DENND1B: variants seen among roughly 807,000 people sequenced by gnomAD.
DENND1B encodes DENN domain-containing protein 1B.
In DENND1B, 59 loss-of-function variants were observed where a neutral mutation model predicts 90.1. That is an observed-to-expected ratio of 0.65 (90% CI 0.53 to 0.81). The LOEUF is 0.81. Among genes scored for constraint, DENND1B ranks in the 40% least tolerant of loss-of-function variants. DENND1B has a pLI of 0.00. For synonymous variants in DENND1B, 337 were observed against 324.6 expected, an observed-to-expected ratio of 1.04 and a Z score of -0.41; for missense variants, 862 against 912.6, an observed-to-expected ratio of 0.94 and a Z score of 0.71.
chr1:197,743,302 T>C (rs561180399), intron 2 of DENND1B, among the ~76,000 whole-genome samples: 1 of 152,290 alleles, frequency 6.6e-6, no homozygotes, highest in South Asian at 2.1e-4. Flanking sequence ...ATAAAGCAAG[T>C]CACACAAATT....
intron 2 of DENND1B, among the ~76,000 whole-genome samples, chr1:197,731,620 C>A (rs1662155543): frequency 6.6e-6 from 1 of 152,156 alleles, no homozygotes; most frequent in South Asian, 2.1e-4. Context: ...CCAGGGGCGT[C>A]CAATCTTTTG....
chr1:197,580,774 C>T (rs1364392084), intron 15 of DENND1B, among the ~76,000 whole-genome samples: 1 of 152,108 alleles, frequency 6.6e-6, no homozygotes, highest in African/African-American at 2.4e-5. Context: ...TTCTAGTTTA[C>T]CTGTACATTA....
At chr1:197,542,916 T>TA (rs1327366064) in intron 18 of DENND1B, among the ~76,000 whole-genome samples, 11 of 123,886 alleles carry the variant, frequency 8.9e-5, no homozygotes, top group East Asian at 5.1e-4. Context: ...GTAGAAACCT[T>TA]TTTTATTTAT....
chr1:197,734,852 G>C, intron 2 of DENND1B: 2 of 984,658 alleles, frequency 2.0e-6, no homozygotes, highest in Non-Finnish European at 2.4e-6. Context: ...TTATTCATAA[G>C]GGGGAAAATA....
chr1:197,725,636 G>GA (rs1025031485), intron 2 of DENND1B, among the ~76,000 whole-genome samples: 4 of 148,964 alleles, frequency 2.7e-5, no homozygotes, highest in South Asian at 2.1e-4. Flanking sequence ...CTATAGCCTT[G>GA]AAAAAAAAAG....
intron 2 of DENND1B, among the ~76,000 whole-genome samples, chr1:197,718,947 G>A (rs1397640201): frequency 6.6e-6 from 1 of 152,168 alleles, no homozygotes; most frequent in Non-Finnish European, 1.5e-5. Context: ...AAGGGAGAAT[G>A]CAGCTAGAGT....
chr1:197,646,455 A>G (rs141649730), intron 8 of DENND1B, among the ~76,000 whole-genome samples: 3 of 152,060 alleles, frequency 2.0e-5, no homozygotes, highest in Non-Finnish European at 4.4e-5. Context: ...CATGTTTCCC[A>G]CAATGTTCCC....
At chr1:197,567,110 C>T (rs1269348331) in intron 15 of DENND1B, among the ~76,000 whole-genome samples, 3 of 151,834 alleles carry the variant, frequency 2.0e-5, no homozygotes, top group African/African-American at 4.8e-5. Context: ...ACTGACAAAC[C>T]TTTAGCTGGT....
intron 19 of DENND1B, among the ~76,000 whole-genome samples, chr1:197,540,420 A>G (rs935736725): frequency 2.6e-5 from 4 of 152,072 alleles, no homozygotes; most frequent in African/African-American, 9.7e-5. Flanking sequence ...AAAGGTAAAA[A>G]TTCAAAACAT....
intron 2 of DENND1B, among the ~76,000 whole-genome samples, chr1:197,719,386 G>A (rs1271089397): frequency 6.6e-6 from 1 of 152,122 alleles, no homozygotes; most frequent in Non-Finnish European, 1.5e-5. Flanking sequence ...TCAAGACAGT[G>A]AGAGGAGCCT....
chr1:197,690,910 C>A (rs1007322055), intron 3 of DENND1B, among the ~76,000 whole-genome samples: 1 of 151,254 alleles, frequency 6.6e-6, no homozygotes. Context: ...CTTTGAAACC[C>A]ATTAAAATAT....
At position 197,746,996 on chromosome 1, in the gene DENND1B, C is replaced by CTGA. The variant is rs1652774801; in HGVS notation, c.82+25869_82+25871dup. 5 of 937,550 alleles carry CTGA rather than the reference C, an allele frequency of 5.3e-6. No individual in the cohort carries two copies. In the East Asian group the frequency reaches 7.2e-5, roughly 13 times the overall value. The allele number at this position is 937,550 out of a possible 1,614,324, so 58.1% of individuals were successfully genotyped here. ...GCCTGGTCTATCCTCTCTTCAAGGC[C>CTGA]TGATTTCTCAACATTTTTCCTTTTA... On this transcript the variant is annotated intron_variant, in intron 2 of 22. Coordinates refer to ENST00000620048, the MANE Select transcript of DENND1B (RefSeq NM_001195215.2).
chr1:197,629,584 G>T (rs1474869980), intron 10 of DENND1B, among the ~76,000 whole-genome samples: 1 of 151,736 alleles, frequency 6.6e-6, no homozygotes, highest in African/African-American at 2.4e-5. Flanking sequence ...GCTAAATGAT[G>T]AGTTAATGGG....
chr1:197,768,160 C>T (rs527553972), intron 2 of DENND1B, among the ~76,000 whole-genome samples: 1 of 151,856 alleles, frequency 6.6e-6, no homozygotes, highest in East Asian at 1.9e-4. Context: ...TTTTCCTCCT[C>T]CTCCTCTTCG....
intron 15 of DENND1B, among the ~76,000 whole-genome samples, chr1:197,581,727 A>G (rs1304853045): frequency 1.3e-5 from 2 of 152,216 alleles, no homozygotes; most frequent in Non-Finnish European, 2.9e-5. Context: ...TTAAGTGGTA[A>G]GGAACTAGTT....
At chr1:197,662,039 A>C (rs1040960341) in intron 5 of DENND1B, among the ~76,000 whole-genome samples, 1 of 152,052 alleles carries the variant, frequency 6.6e-6, no homozygotes, top group African/African-American at 2.4e-5. Flanking sequence ...TACATGTCCA[A>C]GATAATAAGC....
intron 3 of DENND1B, among the ~76,000 whole-genome samples, chr1:197,692,638 T>C (rs184909972): frequency 7.6e-4 from 116 of 152,002 alleles, no homozygotes; most frequent in Middle Eastern, 3.4e-3. Context: ...AACTTCAGAC[T>C]ATTACAATTT....
chr1:197,620,135 G>A (rs74134858), intron 10 of DENND1B, among the ~76,000 whole-genome samples: 4,951 of 151,148 alleles, frequency 0.033, 267 homozygotes, highest in African/African-American at 0.11. Context: ...CAAAGAAGAC[G>A]GAAGCATCCC....
At chr1:197,776,492 C>T (rs1657274879), upstream of DENND1B, among the ~76,000 whole-genome samples, 1 of 152,198 alleles carries the variant, frequency 6.6e-6, no homozygotes, top group South Asian at 2.1e-4. Context: ...AAGGCCTTCT[C>T]CCAGCTAACA....
Sources: allele counts gnomAD v4.1 joint callset (sites outside exome capture counted in the v4.1 genomes callset), GRCh38; gene constraint gnomAD v4.1.1; transcripts MANE v1.5; gene names NCBI Gene and HGNC (gene_info 2026-07-23, HGNC 2026-07-21).